The following PLCL1 variants were observed in gnomAD, a reference collection of about 807,000 sequenced individuals.
PLCL1 encodes inactive phospholipase C-like protein 1.
PLCL1 carries 41 observed loss-of-function variants against 84.4 expected under a neutral mutation model. That is an observed-to-expected ratio of 0.49 (90% CI 0.38 to 0.63). The LOEUF (loss-of-function observed/expected upper bound fraction) is 0.63. PLCL1 is among the 30% of genes least tolerant of loss of function. PLCL1 has a pLI of 0.00. For missense variants in PLCL1, 1,206 were observed against 1,367.8 expected, an observed-to-expected ratio of 0.88 and a Z score of 1.87; for synonymous variants, 490 against 488.3, an observed-to-expected ratio of 1.00 and a Z score of -0.05.
intron 1 of PLCL1, among the ~76,000 whole-genome samples, chr2:197,938,001 TAGAGA>T (rs1689083216): frequency 6.6e-6 from 1 of 152,176 alleles, no homozygotes; most frequent in South Asian, 2.1e-4. Context: ...TGGAGATGAA[TAGAGA>T]AGTTACTCCC....
Position 198,086,037 on chromosome 2 carries a change from C to G in PLCL1, c.2520C>G (p.Thr840=), listed in dbSNP as rs61755445. The G allele has an allele frequency of 1.4e-5, 22 of 1,613,982 alleles. No individual in the cohort carries two copies. Among genetic ancestry groups the G allele is most frequent in the Non-Finnish European group, 1.8e-5 (21 of 1,179,974 alleles). The change falls in exon 2 of 6, where the codon ACC becomes ACG. Residue 840 remains threonine, a synonymous_variant. Coordinates refer to ENST00000428675, the MANE Select transcript of PLCL1 (RefSeq NM_006226.4). ...TGGGTGACATCATGGAGCACGTAAC[C>G]CTTTTTGTCCACATAGCAATAACTA... The part of the protein sequence containing the change: ...SFVGDIMEHV[T]LFVHIAITNR...
At chr2:197,810,114 C>T (rs1376622711) in intron 1 of PLCL1, 5 of 252,006 alleles carry the variant, frequency 2.0e-5, no homozygotes, top group Admixed American at 5.5e-5. Flanking sequence ...GCTCTCCTCC[C>T]GAGATGTGAT....
chr2:198,124,280 C>T (rs913577936), intron 5 of PLCL1, among the ~76,000 whole-genome samples: 4 of 152,132 alleles, frequency 2.6e-5, no homozygotes, highest in African/African-American at 9.7e-5. Context: ...TGTTACTCCA[C>T]TGGCTTCTGC....
At chr2:198,090,362 AT>A (rs1430733405) in intron 3 of PLCL1, among the ~76,000 whole-genome samples, 1 of 151,394 alleles carries the variant, frequency 6.6e-6, no homozygotes, top group Admixed American at 6.7e-5. Context: ...ATAAGAGTGA[AT>A]TTTATTTTCT....
chr2:198,095,052 T>C (rs557573849), intron 3 of PLCL1, among the ~76,000 whole-genome samples: 1 of 152,220 alleles, frequency 6.6e-6, no homozygotes, highest in East Asian at 1.9e-4. Context: ...GGATGCCTCT[T>C]TCGCAGGCTA....
At chr2:197,908,543 T>TA (rs1349190398) in intron 1 of PLCL1, among the ~76,000 whole-genome samples, 15 of 152,366 alleles carry the variant, frequency 9.8e-5, no homozygotes, top group African/African-American at 3.6e-4. Flanking sequence ...AAATTTACTC[T>TA]CAAGTGTTCT....
intron 1 of PLCL1, among the ~76,000 whole-genome samples, chr2:198,037,883 G>T (rs907893194): frequency 2.6e-5 from 4 of 152,020 alleles, no homozygotes; most frequent in African/African-American, 9.7e-5. Context: ...AACTATGAAA[G>T]ATTTGGGAAA....
At chr2:198,075,245 T>A (rs1210383897) in intron 1 of PLCL1, among the ~76,000 whole-genome samples, 1 of 152,204 alleles carries the variant, frequency 6.6e-6, no homozygotes, top group Non-Finnish European at 1.5e-5. Flanking sequence ...TTGGCACTTC[T>A]GCTAAGAGTT....
chr2:197,882,333 T>C (rs1687844016), intron 1 of PLCL1, among the ~76,000 whole-genome samples: 1 of 152,122 alleles, frequency 6.6e-6, no homozygotes, highest in Admixed American at 6.6e-5. Context: ...TGAGGAAATA[T>C]ATTAGCATTA....
At chr2:197,918,942 C>CTA (rs1688650773) in intron 1 of PLCL1, among the ~76,000 whole-genome samples, 1 of 128,436 alleles carries the variant, frequency 7.8e-6, no homozygotes. Flanking sequence ...CCCTGTCTCT[C>CTA]TCTCTCTCTC....
intron 3 of PLCL1, among the ~76,000 whole-genome samples, chr2:198,099,448 T>C (rs2105910699): frequency 6.6e-6 from 1 of 152,216 alleles, no homozygotes; most frequent in African/African-American, 2.4e-5. Context: ...TACTAATAAT[T>C]GAAAGCTGAC....
intron 1 of PLCL1, among the ~76,000 whole-genome samples, chr2:197,827,384 A>C (rs1690953699): frequency 6.6e-6 from 1 of 152,090 alleles, no homozygotes; most frequent in Non-Finnish European, 1.5e-5. Flanking sequence ...GTGTATATAT[A>C]TATATAGGCA....
intron 5 of PLCL1, among the ~76,000 whole-genome samples, chr2:198,135,175 C>T (rs1433029852): frequency 6.6e-6 from 1 of 152,106 alleles, no homozygotes; most frequent in Non-Finnish European, 1.5e-5. Flanking sequence ...GAAGCTCCTT[C>T]TGTATTCGGC....
intron 1 of PLCL1, among the ~76,000 whole-genome samples, chr2:197,993,696 C>T (rs1690394795): frequency 6.6e-6 from 1 of 152,156 alleles, no homozygotes; most frequent in African/African-American, 2.4e-5. Context: ...AGAACCTGTG[C>T]TAACCCAGCA....
chr2:198,038,522 T>C (rs992160274), intron 1 of PLCL1, among the ~76,000 whole-genome samples: 1 of 152,200 alleles, frequency 6.6e-6, no homozygotes, highest in African/African-American at 2.4e-5. Context: ...AAATATTGTG[T>C]AATAAATAAT....
At chr2:198,041,380 C>T (rs374772915) in intron 1 of PLCL1, among the ~76,000 whole-genome samples, 27 of 133,306 alleles carry the variant, frequency 2.0e-4, no homozygotes, top group African/African-American at 7.9e-4. Context: ...GTTCTGTTTT[C>T]TAAGTTCCAA....
In PLCL1 at chr2:197,922,411, T is replaced by A. The variant is rs1260222541; in HGVS notation, c.240+117072T>A. Reference sequence around the variant, plus strand: ...AAATGAAAAGTCTCCCATGTCTACTTCTTTCTACACAGACACGGCAACCAT... The same window carrying A: ...AAATGAAAAGTCTCCCATGTCTACTACTTTCTACACAGACACGGCAACCAT... On this transcript the variant is annotated intron_variant, in intron 1 of 5. Transcript: ENST00000428675. Among the ~76,000 whole-genome samples the A allele has an allele frequency of 6.5e-5, 7 of 107,420 alleles. No individual in the cohort carries two copies. The East Asian group carries it at 2.0e-3, about 30-fold the overall frequency. 70.5% of individuals were successfully genotyped at this position (107,420 alleles called of 152,430 possible).
chr2:197,861,905 T>C (rs1687439575), intron 1 of PLCL1, among the ~76,000 whole-genome samples: 1 of 152,168 alleles, frequency 6.6e-6, no homozygotes, highest in South Asian at 2.1e-4. Context: ...GGTTTTGGAA[T>C]GAAGATGAAT....
Position 198,103,856 on chromosome 2 carries a change from T to G in PLCL1, c.3025T>G (p.Leu1009Val). Residue 1009 changes from leucine to valine, a missense_variant, in exon 5 of 6, where the codon TTG (leucine) becomes GTG (valine). Physicochemically the swap from Leu to Val is conservative, Grantham distance 32. Coordinates refer to ENST00000428675, the MANE Select transcript of PLCL1 (RefSeq NM_006226.4). ...GGAGTTCCATGAAGAACTTCATAAT[T>G]TGGGGGCAAAAGAAGGCTTGAAGGG... ...GMEFHEELHNLGAKEGLKGRK... is the reference protein window; with the variant it reads ...GMEFHEELHNVGAKEGLKGRK... The G allele has an allele frequency of 6.2e-7, 1 of 1,605,834 alleles. No homozygotes were observed. The highest frequency in any genetic ancestry group is 8.5e-7 in the Non-Finnish European group (1 of 1,175,388).
Sources: gnomAD v4.1 joint callset for allele counts (sites outside exome capture counted in the v4.1 genomes callset) on GRCh38, gnomAD v4.1.1 for gene constraint, MANE v1.5 for transcripts, NCBI Gene and HGNC (gene_info 2026-07-23, HGNC 2026-07-21) for gene names.